Variants in SNTB2 observed in about 807,000 individuals in gnomAD.
SNTB2 encodes the protein syntrophin beta 2.
Under a neutral mutation model 46.2 loss-of-function variants are expected in SNTB2, and 34 were observed. The observed-to-expected ratio is 0.74, with a 90% CI of 0.56 to 0.98. SNTB2 has a LOEUF of 0.98. Ranked by LOEUF, SNTB2 falls within the 50% of genes least tolerant of loss-of-function variation. SNTB2 has a pLI of 0.00. For synonymous variants in SNTB2, 290 were observed against 312.6 expected (o/e 0.93, Z 0.76); for missense variants, 603 against 731.4 (o/e 0.82, Z 2.02).
At chr16:69,274,784 C>A (rs776185232) in intron 4 of SNTB2, among the ~76,000 whole-genome samples, 1 of 151,858 alleles carries the variant, frequency 6.6e-6, no homozygotes, top group Non-Finnish European at 1.5e-5. Context: ...CATAGTGAGA[C>A]CTCTGGTCTC....
intron 1 of SNTB2, among the ~76,000 whole-genome samples, chr16:69,218,402 C>T (rs1014241600): frequency 2.6e-5 from 4 of 151,366 alleles, no homozygotes; most frequent in African/African-American, 4.8e-5. Context: ...ATTGATGGTT[C>T]CATTTTCTTT....
intron 4 of SNTB2, among the ~76,000 whole-genome samples, chr16:69,277,135 C>G (rs531330058): frequency 6.6e-6 from 1 of 152,136 alleles, no homozygotes; most frequent in Non-Finnish European, 1.5e-5. Flanking sequence ...TTGACAAACA[C>G]GTTTAGTGAG....
chr16:69,290,728 T>G (rs1237813824), intron 5 of SNTB2, among the ~76,000 whole-genome samples: 1 of 152,194 alleles, frequency 6.6e-6, no homozygotes, highest in African/African-American at 2.4e-5. Flanking sequence ...AGGATTGTCA[T>G]AAGGCATAAA....
rs140450341 is a variant in SNTB2 at position 69,264,366 on chromosome 16, C to T, written c.1005+4106C>T. On this transcript the variant is annotated intron_variant, in intron 3 of 6. Coordinates refer to ENST00000336278, the MANE Select transcript of SNTB2 (RefSeq NM_006750.4). ...TGTATCCACCTCGCCCATTCCCTGA[C>T]AAATAATGACATATACTGCATATTT... Among the ~76,000 whole-genome samples, 442 of 152,196 alleles carry T rather than the reference C, an allele frequency of 2.9e-3. 2 individuals are homozygous for T. Among genetic ancestry groups the T allele is most frequent in the Non-Finnish European group, 4.5e-3 (303 of 68,018 alleles).
chr16:69,205,932 A>G (rs892681182), intron 1 of SNTB2, among the ~76,000 whole-genome samples: 2 of 152,202 alleles, frequency 1.3e-5, no homozygotes, highest in Non-Finnish European at 2.9e-5. Context: ...TTGAGGTCCT[A>G]TACTCAGCTA....
intron 1 of SNTB2, chr16:69,235,587 G>C: frequency 1.4e-6 from 1 of 695,986 alleles, no homozygotes; most frequent in Non-Finnish European, 1.8e-6. Context: ...CAAAGTGGGG[G>C]AGGGGGGAAC....
chr16:69,228,809 C>T (rs576175998), intron 1 of SNTB2, among the ~76,000 whole-genome samples: 1 of 152,014 alleles, frequency 6.6e-6, no homozygotes, highest in South Asian at 2.1e-4. Context: ...TCATTTAATC[C>T]CCCACAACAG....
In SNTB2 at chr16:69,303,907, G is replaced by C. The variant is rs1391342813; in HGVS notation, c.*2983G>C. On this transcript the variant is annotated 3_prime_UTR_variant, in exon 7 of 7. Coordinates refer to ENST00000336278, the MANE Select transcript of SNTB2 (RefSeq NM_006750.4). ...TTCATTTTGAATTAAGAAAATTGTT[G>C]AGGATGTGGTGGGTTCCAGTGTGTG... The C allele has an allele frequency of 6.6e-6, 1 of 152,140 alleles. No individual in the cohort carries two copies. Among genetic ancestry groups the C allele is most frequent in the Admixed American group, 6.5e-5 (1 of 15,270 alleles). 9.4% of individuals were successfully genotyped at this position (152,140 alleles called of 1,614,324 possible). A position where few individuals can be genotyped will look rare whatever the true frequency, so the allele number is the denominator to read the frequency against.
chr16:69,219,325 A>G (rs1964377640), intron 1 of SNTB2, among the ~76,000 whole-genome samples: 1 of 152,188 alleles, frequency 6.6e-6, no homozygotes, highest in African/African-American at 2.4e-5. Context: ...GGGAATAGGG[A>G]GATGTTAATT....
chr16:69,193,206 C>G (rs1168697760), intron 1 of SNTB2, among the ~76,000 whole-genome samples: 2 of 149,546 alleles, frequency 1.3e-5, no homozygotes, highest in African/African-American at 4.9e-5. Flanking sequence ...TCCTGGTCAA[C>G]CTAGTGAGAC....
intron 1 of SNTB2, among the ~76,000 whole-genome samples, chr16:69,206,893 G>A (rs1964226190): frequency 6.6e-6 from 1 of 150,552 alleles, no homozygotes. Context: ...AGCATCCCTG[G>A]TAGCTGGGAC....
chr16:69,252,134 A>T (rs1024625313), intron 2 of SNTB2, among the ~76,000 whole-genome samples: 1 of 152,168 alleles, frequency 6.6e-6, no homozygotes, highest in African/African-American at 2.4e-5. Context: ...TCACTTTCTA[A>T]ACCAAAAATG....
At chr16:69,224,554 A>G (rs919714198) in intron 1 of SNTB2, among the ~76,000 whole-genome samples, 2 of 152,174 alleles carry the variant, frequency 1.3e-5, no homozygotes, top group African/African-American at 4.8e-5. Context: ...TTATGCAAAC[A>G]CACAGTTATT....
chr16:69,218,177 A>G (rs1964366908), intron 1 of SNTB2, among the ~76,000 whole-genome samples: 1 of 152,220 alleles, frequency 6.6e-6, no homozygotes, highest in African/African-American at 2.4e-5. Context: ...TAGCATGCAT[A>G]AAGATAAATA....
intron 2 of SNTB2, among the ~76,000 whole-genome samples, chr16:69,256,944 C>A (rs1018883534): frequency 6.6e-6 from 1 of 152,046 alleles, no homozygotes; most frequent in African/African-American, 2.4e-5. Context: ...CCGAGGCAGG[C>A]GGATCACTTG....
At chr16:69,297,180 G>A (rs1314132929) in intron 5 of SNTB2, among the ~76,000 whole-genome samples, 6 of 150,648 alleles carry the variant, frequency 4.0e-5, no homozygotes, top group Admixed American at 2.6e-4. Flanking sequence ...GGTGGTGCCC[G>A]CCTGTAATCC....
chr16:69,210,087 G>T (rs554358898), intron 1 of SNTB2, among the ~76,000 whole-genome samples: 2 of 145,262 alleles, frequency 1.4e-5, no homozygotes, highest in East Asian at 4.1e-4. Flanking sequence ...GTGCAATGGC[G>T]CAATCTCAGC....
chr16:69,278,719 G>A (rs1470781617), intron 4 of SNTB2, among the ~76,000 whole-genome samples: 7 of 152,188 alleles, frequency 4.6e-5, no homozygotes, highest in Non-Finnish European at 7.4e-5. Context: ...GCCTCCCAAC[G>A]TGCTGGGATT....
In SNTB2 at chr16:69,300,912, A is replaced by G. The variant is rs1965272445; in HGVS notation, c.1611A>G (p.Gly537=). 6.2e-7 allele frequency: 1 copy of G among 1,609,648 alleles called. No homozygotes were observed. Among genetic ancestry groups the G allele is most frequent in the Non-Finnish European group, 8.5e-7 (1 of 1,176,178 alleles). ...TFLSAKVTRM[G]LLV The stretch of plus-strand genomic sequence containing the variant: ...TATCGGCCAAAGTCACTCGTATGGG[A>G]CTGCTTGTATGAGCAACAAAAAATC... The change falls in exon 7 of 7, where the codon GGA becomes GGG. Residue 537 remains glycine (G), a synonymous_variant. Transcript: ENST00000336278.
Sources: gnomAD v4.1 joint callset for allele counts (sites outside exome capture counted in the v4.1 genomes callset) on GRCh38, gnomAD v4.1.1 for gene constraint, MANE v1.5 for transcripts, NCBI Gene and HGNC (gene_info 2026-07-23, HGNC 2026-07-21) for gene names.